Variants in ATL1 observed in about 807,000 individuals in gnomAD.
ATL1 encodes atlastin GTPase 1.
ATL1 carries 31 observed loss-of-function variants against 75.5 expected under a neutral mutation model. The ratio of observed to expected loss-of-function variants is 0.41; its 90% CI spans 0.31 to 0.55. The LOEUF (loss-of-function observed/expected upper bound fraction) is 0.55, where lower values mean the gene tolerates loss of function less well. Among genes scored for constraint, ATL1 ranks in the 20% least tolerant of loss-of-function variants. The pLI, the probability that ATL1 is intolerant of heterozygous loss-of-function variation, is 0.27. For missense variants in ATL1, 405 were observed against 662.6 expected (o/e 0.61, Z 4.27); for synonymous variants, 226 against 233.3 (o/e 0.97, Z 0.28).
In ATL1 at chr14:50,560,316, A is replaced by G. The variant is rs755420102; in HGVS notation, c.34+17A>G. ...ACAGTTGGGGTGAGTAGCAAATGAGAACTTCTGCAGCCTGCACGGGGTCTT... is the reference window on the plus strand; with the variant it reads ...ACAGTTGGGGTGAGTAGCAAATGAGGACTTCTGCAGCCTGCACGGGGTCTT... On this transcript the variant is annotated intron_variant, in intron 1 of 13. Transcript: ENST00000358385. 1 of 1,613,536 alleles carries G rather than the reference A, an allele frequency of 6.2e-7. No individual in the cohort carries two copies. Among genetic ancestry groups the G allele is most frequent in the Admixed American group, 1.7e-5 (1 of 59,954 alleles).
At chr14:50,619,359 G>GTGTACAGC (rs1166536462) in intron 8 of ATL1, among the ~76,000 whole-genome samples, 1 of 151,728 alleles carries the variant, frequency 6.6e-6, no homozygotes, top group Non-Finnish European at 1.5e-5. Context: ...GCACCCAGCC[G>GTGTACAGC]TGTACAGCTA....
chr14:50,569,375 T>A (rs2038934351), intron 1 of ATL1, among the ~76,000 whole-genome samples: 1 of 150,186 alleles, frequency 6.7e-6, no homozygotes, highest in Non-Finnish European at 1.5e-5. Context: ...GCTGTGATCA[T>A]GCCACTGCAT....
At chr14:50,595,776 A>G in intron 6 of ATL1, 144 bp downstream of exon 6, 1 of 659,890 alleles carries the variant, frequency 1.5e-6, no homozygotes, top group South Asian at 2.0e-5. Flanking sequence ...TTGATGCAAT[A>G]TAGAATGAGA....
chr14:50,566,147 G>A (rs908869712), intron 1 of ATL1, among the ~76,000 whole-genome samples: 13 of 151,978 alleles, frequency 8.6e-5, no homozygotes, highest in African/African-American at 3.1e-4. Context: ...ACAGGTGCCC[G>A]CCACCACACC....
chr14:50,624,012 G>A (rs1224331845), intron 11 of ATL1, among the ~76,000 whole-genome samples: 1 of 152,148 alleles, frequency 6.6e-6, no homozygotes, highest in South Asian at 2.1e-4. Context: ...CTGAGATTGT[G>A]CCACTGCACT....
At chr14:50,558,971 G>A (rs1407684519), upstream of ATL1, 1 of 152,200 alleles carries the variant, frequency 6.6e-6, no homozygotes, top group Non-Finnish European at 1.5e-5. Flanking sequence ...TGGCAGTGGT[G>A]GGGGAGTTTG....
intron 6 of ATL1, among the ~76,000 whole-genome samples, chr14:50,605,353 C>CTATTTTGCTAA (rs2039307655): frequency 1.3e-5 from 2 of 151,950 alleles, no homozygotes; most frequent in Admixed American, 6.6e-5. Flanking sequence ...ACAAATTTGT[C>CTATTTTGCTAA]TTGATTTCTA....
intron 11 of ATL1, among the ~76,000 whole-genome samples, chr14:50,623,625 A>C (rs920371275): frequency 6.6e-6 from 1 of 152,104 alleles, no homozygotes; most frequent in African/African-American, 2.4e-5. Flanking sequence ...TTTAGGAAAA[A>C]AAAAACAAAA....
upstream of ATL1, among the ~76,000 whole-genome samples, chr14:50,558,511 T>C (rs961932183): frequency 6.6e-6 from 1 of 152,250 alleles, no homozygotes; most frequent in African/African-American, 2.4e-5. Flanking sequence ...GAGAGCTATT[T>C]ATTTAAGCAT....
intron 1 of ATL1, among the ~76,000 whole-genome samples, chr14:50,566,566 C>T: frequency 6.6e-6 from 1 of 152,140 alleles, no homozygotes; most frequent in Admixed American, 6.5e-5. Flanking sequence ...TTTCAATCTG[C>T]ATTTTACTGA....
intron 4 of ATL1, among the ~76,000 whole-genome samples, chr14:50,592,001 T>C (rs536475060): frequency 8.5e-5 from 13 of 152,364 alleles, no homozygotes; most frequent in African/African-American, 2.9e-4. Flanking sequence ...TTTATAAATA[T>C]AAATTTTGTT....
intron 1 of ATL1, among the ~76,000 whole-genome samples, chr14:50,570,412 G>T (rs1189172774): frequency 6.6e-6 from 1 of 151,596 alleles, no homozygotes; most frequent in Non-Finnish European, 1.5e-5. Context: ...GTCTCACTCT[G>T]TTGCCCAGGC....
chr14:50,593,167 C>T (rs2140207376), intron 4 of ATL1, among the ~76,000 whole-genome samples: 1 of 151,748 alleles, frequency 6.6e-6, no homozygotes, highest in Admixed American at 6.6e-5. Context: ...TATATTTGAC[C>T]TGAATACATT....
At chr14:50,539,151 C>T (rs2038530614) in intron 1 of ATL1, among the ~76,000 whole-genome samples, 1 of 152,174 alleles carries the variant, frequency 6.6e-6, no homozygotes, top group Non-Finnish European at 1.5e-5. Flanking sequence ...CTTGTATAAA[C>T]TACTTGCCAA....
At chr14:50,618,604 A>T (rs540794124) in intron 8 of ATL1, among the ~76,000 whole-genome samples, 1 of 152,248 alleles carries the variant, frequency 6.6e-6, no homozygotes, top group East Asian at 1.9e-4. Flanking sequence ...TTCTAACATA[A>T]AATAGTATTT....
intron 1 of ATL1, among the ~76,000 whole-genome samples, chr14:50,553,753 A>G (rs2038732472): frequency 6.6e-6 from 1 of 152,224 alleles, no homozygotes; most frequent in African/African-American, 2.4e-5. Context: ...TATATACACC[A>G]TGGAATATTA....
chr14:50,610,852 CTATT>C (rs2039359156), intron 6 of ATL1, among the ~76,000 whole-genome samples: 1 of 152,114 alleles, frequency 6.6e-6, no homozygotes, highest in African/African-American at 2.4e-5. Flanking sequence ...TTGGAGTTAT[CTATT>C]TCTTTTTCCG....
intron 1 of ATL1, among the ~76,000 whole-genome samples, chr14:50,584,425 C>T (rs1444721259): frequency 6.6e-6 from 1 of 151,258 alleles, no homozygotes. Flanking sequence ...GACTATTGGC[C>T]GGGCGCGGTG....
intron 6 of ATL1, among the ~76,000 whole-genome samples, chr14:50,603,057 A>T (rs2039285611): frequency 6.6e-6 from 1 of 152,180 alleles, no homozygotes; most frequent in Non-Finnish European, 1.5e-5. Flanking sequence ...TTCTATGTAC[A>T]TTTCTGTGTA....
Sources: allele counts gnomAD v4.1 joint callset (sites outside exome capture counted in the v4.1 genomes callset), GRCh38; gene constraint gnomAD v4.1.1; transcripts MANE v1.5; gene names NCBI Gene and HGNC (gene_info 2026-07-23, HGNC 2026-07-21).